Variants in HPF1 observed in about 807,000 individuals in gnomAD.
The protein encoded by HPF1 is UPF0609 protein C4orf27.
In HPF1, 35 loss-of-function variants were observed where a neutral mutation model predicts 38.8. The observed-to-expected ratio is 0.90, with a 90% CI of 0.69 to 1.19. The LOEUF is 1.19. Among genes scored for constraint, HPF1 ranks in the 50% most tolerant of loss-of-function variants. HPF1 has a pLI of 0.00. For synonymous variants in HPF1, 115 were observed against 139.2 expected, an observed-to-expected ratio of 0.83 and a Z score of 1.22; for missense variants, 367 against 405.8, an observed-to-expected ratio of 0.90 and a Z score of 0.82.
chr4:169,744,100 G>A (rs1734014371), intron 4 of HPF1, among the ~76,000 whole-genome samples: 1 of 152,160 alleles, frequency 6.6e-6, no homozygotes, highest in African/African-American at 2.4e-5. Context: ...ATAAAATACA[G>A]ATTTGATCAT....
chr4:169,752,654 T>C (rs1361340361), intron 2 of HPF1, among the ~76,000 whole-genome samples: 2 of 152,214 alleles, frequency 1.3e-5, no homozygotes, highest in South Asian at 2.1e-4. Context: ...TCAGGCATGA[T>C]AGTTTATTAT....
chr4:169,740,464 G>C (rs1187324341), intron 5 of HPF1, among the ~76,000 whole-genome samples: 1 of 152,150 alleles, frequency 6.6e-6, no homozygotes. Context: ...TATCATACTA[G>C]AGTGGAAATA....
intron 7 of HPF1, among the ~76,000 whole-genome samples, chr4:169,730,096 A>G (rs1432167658): frequency 6.6e-6 from 1 of 152,222 alleles, no homozygotes; most frequent in Non-Finnish European, 1.5e-5. Context: ...GAAAGTTTTC[A>G]GATCGTATTG....
intron 7 of HPF1, 21 bp downstream of exon 7, chr4:169,731,683 G>A: frequency 6.7e-7 from 1 of 1,501,008 alleles, no homozygotes; most frequent in Non-Finnish European, 8.9e-7. Context: ...TGGGTAGAAG[G>A]TGGAGGGTTT....
In HPF1 at chr4:169,731,757, C is replaced by G. The variant is rs1193433800; in HGVS notation, c.856G>C (p.Asp286His). ...TFVQFANDEC[D>H]YGMGLELGMD... ...CCCAATTCAAGCCCCATGCCATAAT[C>G]ACATTCATCATTAGCAAACTGCACA... Residue 286 changes from aspartate to histidine, a missense_variant, in exon 7 of 8, where the codon GAT becomes CAT. Coordinates refer to ENST00000393381, the MANE Select transcript of HPF1 (RefSeq NM_017867.3). 1 of 1,595,134 alleles carries G rather than the reference C, an allele frequency of 6.3e-7. No individual in the cohort carries two copies.
rs1733916086 is a variant in HPF1, at chr4:169,737,682, G to A, written c.714C>T (p.Tyr238=). The change falls in exon 6 of 8, where the codon TAC becomes TAT. Residue 238 remains tyrosine (Y), a synonymous_variant. Coordinates refer to ENST00000393381, the MANE Select transcript of HPF1 (RefSeq NM_017867.3). ...TACCATCTGTTTCAGGGAGCTCTCG[G>A]TACCCAACATCATTTTTATCTACTG... The part of the protein sequence containing the change: ...VVPVDKNDVG[Y]RELPETDADL... 1 of 1,608,488 alleles carries A rather than the reference G, an allele frequency of 6.2e-7. No individual in the cohort carries two copies. Among genetic ancestry groups the A allele is most frequent in the South Asian group, 1.1e-5 (1 of 90,954 alleles).
chr4:169,736,300 C>T (rs923924521), intron 6 of HPF1, among the ~76,000 whole-genome samples: 8 of 143,196 alleles, frequency 5.6e-5, no homozygotes, highest in Non-Finnish European at 9.0e-5. Context: ...CTCGGGAGGC[C>T]GAGACAGGTT....
At position 169,743,409 on chromosome 4, in the gene HPF1, CTTTTT is replaced by C. The variant is rs34941625; in HGVS notation, c.498-1307_498-1303del. On this transcript the variant is annotated intron_variant, in intron 4 of 7. Coordinates refer to ENST00000393381, the MANE Select transcript of HPF1 (RefSeq NM_017867.3). ...ACAGGCGTGAGCCACTGCCCCTGGC[CTTTTT>C]TTTTTTTTTTTTTTTTTTTTCATTT... Among the ~76,000 whole-genome samples, 14 of 69,738 alleles carry C rather than the reference CTTTTT, an allele frequency of 2.0e-4. No homozygotes were observed. The East Asian group carries it at 4.0e-3, about 20-fold the overall frequency. 45.8% of individuals were successfully genotyped at this position (69,738 alleles called of 152,430 possible). A position where few individuals can be genotyped will look rare whatever the true frequency, so the allele number is the denominator to read the frequency against.
In HPF1 at chr4:169,748,049, G is replaced by A. The variant is rs576471763; in HGVS notation, c.497+695C>T. Among the ~76,000 whole-genome samples the A allele has an allele frequency of 1.5e-3, 228 of 152,284 alleles. 1 individual carries two copies. The highest frequency in any genetic ancestry group is 5.1e-3 in the African/African-American group (214 of 41,566). On this transcript the variant is annotated intron_variant, in intron 4 of 7. Transcript: ENST00000393381. ...AAAATCCACTGTGAGCCACACAACT[G>A]TCATTCCTGGAAGCTCAGCCTGCTC...
At chr4:169,746,981 TTA>T (rs1467498475) in intron 4 of HPF1, among the ~76,000 whole-genome samples, 2 of 89,590 alleles carry the variant, frequency 2.2e-5, no homozygotes, top group African/African-American at 3.5e-5. Context: ...CACTATTATG[TTA>T]TCTTTTTTTA....
chr4:169,731,627 T>C, intron 7 of HPF1, 77 bp downstream of exon 7: 2 of 1,110,710 alleles, frequency 1.8e-6, no homozygotes, highest in East Asian at 2.7e-5. Flanking sequence ...TGTGCACGTA[T>C]TCATGTGTGG....
intron 6 of HPF1, among the ~76,000 whole-genome samples, chr4:169,734,509 A>G (rs1581312893): frequency 2.0e-5 from 3 of 152,254 alleles, no homozygotes; most frequent in Admixed American, 6.5e-5. Flanking sequence ...TGAAGAACAG[A>G]GATGAAAATA....
chr4:169,742,977 T>C (rs1180267335), intron 4 of HPF1, among the ~76,000 whole-genome samples: 2 of 151,288 alleles, frequency 1.3e-5, no homozygotes, highest in Admixed American at 6.6e-5. Flanking sequence ...GGCATGCACC[T>C]GTATTCACAG....
chr4:169,754,728 G>A (rs543651814), intron 1 of HPF1, among the ~76,000 whole-genome samples: 3 of 152,150 alleles, frequency 2.0e-5, no homozygotes, highest in Non-Finnish European at 4.4e-5. Flanking sequence ...TTGCCCCCCA[G>A]GGGACATTTG....
intron 4 of HPF1, among the ~76,000 whole-genome samples, chr4:169,742,786 C>T (rs888598819): frequency 6.0e-5 from 9 of 150,302 alleles, no homozygotes; most frequent in Admixed American, 1.3e-4. Flanking sequence ...AGCAAGACTC[C>T]GTCTCAAAAA....
At chr4:169,738,787 C>T (rs1028409191) in intron 5 of HPF1, among the ~76,000 whole-genome samples, 1 of 152,192 alleles carries the variant, frequency 6.6e-6, no homozygotes, top group Non-Finnish European at 1.5e-5. Flanking sequence ...TACACATATA[C>T]ACCATGGAAT....
chr4:169,751,251 A>C (rs1364258528), intron 2 of HPF1, among the ~76,000 whole-genome samples: 2 of 151,956 alleles, frequency 1.3e-5, no homozygotes, highest in Admixed American at 1.3e-4. Flanking sequence ...AAAAATACAA[A>C]AATTAGCCGG....
chr4:169,748,712 T>C (rs760087060), intron 4 of HPF1, 32 bp downstream of exon 4: 4 of 1,073,764 alleles, frequency 3.7e-6, no homozygotes, highest in South Asian at 2.9e-5. Context: ...AGTATAAACA[T>C]TGTAAACAAA....
chr4:169,756,169 C>T (rs772386233), intron 1 of HPF1, among the ~76,000 whole-genome samples: 3 of 152,214 alleles, frequency 2.0e-5, no homozygotes, highest in African/African-American at 4.8e-5. Context: ...TAAGCACCTT[C>T]TGTGGATTAA....
Sources: gnomAD v4.1 joint callset for allele counts (sites outside exome capture counted in the v4.1 genomes callset) on GRCh38, gnomAD v4.1.1 for gene constraint, MANE v1.5 for transcripts, NCBI Gene and HGNC (gene_info 2026-07-23, HGNC 2026-07-21) for gene names.